The following CA10 variants were observed in gnomAD, a reference collection of about 807,000 sequenced individuals.
CA10 encodes carbonic anhydrase-related protein 10.
Under a neutral mutation model 44.2 loss-of-function variants are expected in CA10, and 14 were observed. The observed-to-expected ratio is 0.32, with a 90% CI of 0.21 to 0.50. The LOEUF (loss-of-function observed/expected upper bound fraction) is 0.50. Ranked by LOEUF, CA10 falls within the 20% of genes least tolerant of loss-of-function variation. CA10 has a pLI of 0.99. For synonymous variants in CA10, 159 were observed against 141.6 expected, an observed-to-expected ratio of 1.12 and a Z score of -0.87; for missense variants, 350 against 409.7, an observed-to-expected ratio of 0.85 and a Z score of 1.26.
intron 2 of CA10, among the ~76,000 whole-genome samples, chr17:52,042,343 A>G (rs929514712): frequency 4.6e-5 from 7 of 152,126 alleles, no homozygotes; most frequent in Non-Finnish European, 7.4e-5. Flanking sequence ...CTTATGATTA[A>G]TGATGTTAAA....
chr17:51,656,745 T>C (rs915087070), intron 4 of CA10, among the ~76,000 whole-genome samples: 3 of 152,162 alleles, frequency 2.0e-5, no homozygotes, highest in African/African-American at 7.2e-5. Context: ...CCATCCCAGG[T>C]CTCCTGAATC....
chr17:51,873,393 T>C (rs1979906835), intron 3 of CA10, among the ~76,000 whole-genome samples: 1 of 152,144 alleles, frequency 6.6e-6, no homozygotes, highest in Admixed American at 6.6e-5. Context: ...ATAAACTCCT[T>C]CACAGAGTGC....
At chr17:52,079,525 G>A (rs1189241985) in intron 1 of CA10, among the ~76,000 whole-genome samples, 3 of 151,926 alleles carry the variant, frequency 2.0e-5, no homozygotes, top group Non-Finnish European at 4.4e-5. Flanking sequence ...AAAAATATTG[G>A]GTGAATGCCT....
At chr17:52,014,324 C>T (rs553822695) in intron 2 of CA10, among the ~76,000 whole-genome samples, 1 of 151,854 alleles carries the variant, frequency 6.6e-6, no homozygotes, top group South Asian at 2.1e-4. Context: ...CCTAGAATCA[C>T]ATGCATTATG....
At chr17:52,129,109 C>G (rs1031379787) in intron 1 of CA10, among the ~76,000 whole-genome samples, 2 of 152,194 alleles carry the variant, frequency 1.3e-5, no homozygotes, top group Non-Finnish European at 2.9e-5. Context: ...TTCTCCTCTA[C>G]CTCTCTGTAG....
At chr17:52,073,260 C>T (rs1411289161) in intron 1 of CA10, among the ~76,000 whole-genome samples, 3 of 151,996 alleles carry the variant, frequency 2.0e-5, no homozygotes, top group Non-Finnish European at 4.4e-5. Flanking sequence ...CAGCCTTCCT[C>T]TTCAAAGTTC....
rs111759081 is a variant in CA10, at chr17:51,914,348, A to G, written c.279+16642T>C. 3.1e-3 allele frequency among the ~76,000 whole-genome samples: 469 copies of G among 152,262 alleles called. 1 individual carries two copies. Among genetic ancestry groups the G allele is most frequent in the African/African-American group, 0.011 (452 of 41,558 alleles). On this transcript the variant is annotated intron_variant, in intron 3 of 8. Coordinates refer to ENST00000451037, the MANE Select transcript of CA10 (RefSeq NM_020178.5). The stretch of plus-strand genomic sequence containing the variant: ...AAACTATGTGTTTTCCCCTGACTCT[A>G]TGGCTGCCAGAACTGCTTCAGTGAT...
In CA10 at chr17:51,963,585, C is replaced by T. The variant is rs1983971627; in HGVS notation, c.137-32453G>A. Among the ~76,000 whole-genome samples, 4 of 152,160 alleles carry T rather than the reference C, an allele frequency of 2.6e-5. No individual in the cohort carries two copies. The South Asian group carries it at 8.3e-4, about 31-fold the overall frequency. ...AGTGGACTTCTCAGCACAAACCTGA[C>T]AAGTCAGGAGAGGCTGGGGTCTATT... On this transcript the variant is annotated intron_variant, in intron 2 of 8. Transcript: ENST00000451037.
intron 3 of CA10, among the ~76,000 whole-genome samples, chr17:51,874,951 TTTTTTTTTC>T (rs199628035): frequency 0.32 from 44,647 of 137,598 alleles, 8,881 homozygotes; most frequent in Non-Finnish European, 0.43. Flanking sequence ...TTTTCTTCTG[TTTTTTTTTC>T]TTTTTTTTCT....
chr17:52,155,566 T>A (rs968394513), intron 1 of CA10, among the ~76,000 whole-genome samples: 4 of 152,212 alleles, frequency 2.6e-5, no homozygotes, highest in Non-Finnish European at 4.4e-5. Context: ...AATGAGTGGC[T>A]CTGCTTACAG....
chr17:52,043,057 A>AT (rs1256951059), intron 2 of CA10, among the ~76,000 whole-genome samples: 2 of 151,786 alleles, frequency 1.3e-5, no homozygotes, highest in African/African-American at 4.8e-5. Context: ...TTGTAATGCA[A>AT]TTTTGCATTG....
intron 3 of CA10, among the ~76,000 whole-genome samples, chr17:51,835,388 T>C (rs1403987995): frequency 6.6e-6 from 1 of 152,210 alleles, no homozygotes; most frequent in Non-Finnish European, 1.5e-5. Flanking sequence ...AAGATTTACT[T>C]TGTGGCACTT....
intron 3 of CA10, among the ~76,000 whole-genome samples, chr17:51,768,238 C>T (rs559690546): frequency 7.3e-5 from 11 of 151,254 alleles, no homozygotes; most frequent in South Asian, 2.1e-4. Context: ...TCATGGCACA[C>T]GACACTTTCA....
At chr17:52,159,567 C>T (rs1197445093), upstream of CA10, 1 of 152,426 alleles carries the variant, frequency 6.6e-6, no homozygotes, top group East Asian at 1.9e-4. Flanking sequence ...CAACGACACT[C>T]AGCAGCTTCC....
At chr17:51,680,708 G>T (rs1193638481) in intron 4 of CA10, among the ~76,000 whole-genome samples, 2 of 152,176 alleles carry the variant, frequency 1.3e-5, no homozygotes, top group Non-Finnish European at 2.9e-5. Flanking sequence ...TTCTGGGCAA[G>T]GTCACATGTC....
chr17:52,097,501 G>GT (rs1988433841), intron 1 of CA10, among the ~76,000 whole-genome samples: 1 of 152,134 alleles, frequency 6.6e-6, no homozygotes, highest in African/African-American at 2.4e-5. Flanking sequence ...ATTTTCAGAA[G>GT]TTTTTTAAAA....
intron 2 of CA10, among the ~76,000 whole-genome samples, chr17:52,000,400 C>T (rs776818025): frequency 3.3e-5 from 5 of 152,058 alleles, no homozygotes; most frequent in Non-Finnish European, 5.9e-5. Context: ...AAATGCTTGC[C>T]TTATAAACTT....
intron 1 of CA10, among the ~76,000 whole-genome samples, chr17:52,100,730 C>T (rs1337105146): frequency 6.6e-6 from 1 of 152,134 alleles, no homozygotes; most frequent in Non-Finnish European, 1.5e-5. Flanking sequence ...CTGAAACTCT[C>T]ACTCCTCCTC....
intron 8 of CA10, among the ~76,000 whole-genome samples, chr17:51,632,885 T>C (rs1006540574): frequency 3.9e-5 from 6 of 152,194 alleles, no homozygotes; most frequent in Non-Finnish European, 8.8e-5. Flanking sequence ...ATGTCCCCTT[T>C]AGTGGGAATA....
Sources: allele counts gnomAD v4.1 joint callset (sites outside exome capture counted in the v4.1 genomes callset), GRCh38; gene constraint gnomAD v4.1.1; transcripts MANE v1.5; gene names NCBI Gene and HGNC (gene_info 2026-07-23, HGNC 2026-07-21).